ATP10A: variants seen among roughly 807,000 people sequenced by gnomAD.
ATP10A encodes phospholipid-transporting ATPase VA.
A neutral mutation model predicts 147.8 loss-of-function variants in ATP10A; 111 were observed. That is an observed-to-expected ratio of 0.75 (90% confidence interval 0.64 to 0.88). The LOEUF (loss-of-function observed/expected upper bound fraction) is 0.88. Among genes scored for constraint, ATP10A ranks in the 40% least tolerant of loss-of-function variants. The pLI is 0.00. For synonymous variants in ATP10A, 875 were observed against 841.6 expected, an observed-to-expected ratio of 1.04 and a Z score of -0.69; for missense variants, 1,927 against 1,959.0, an observed-to-expected ratio of 0.98 and a Z score of 0.31.
intron 3 of ATP10A, among the ~76,000 whole-genome samples, chr15:25,734,056 G>A (rs1031759111): frequency 2.6e-5 from 4 of 152,214 alleles, no homozygotes; most frequent in African/African-American, 7.2e-5. Context: ...GGGAGGCAGT[G>A]AGGTGCTGGG....
rs779720552 is a variant in ATP10A, at chr15:25,683,304, C to T, written c.3474G>A (p.Lys1158=). 6.2e-7 allele frequency: 1 copy of T among 1,613,882 alleles called. No individual in the cohort carries two copies. Among genetic ancestry groups the T allele is most frequent in the African/African-American group, 1.3e-5 (1 of 74,910 alleles). ...GCTTTACCTCCATGTTCTGGCCACT[C>T]TTGTAGAGCTGCGGGTTGGTCAGCA... is the stretch of plus-strand genomic sequence containing the variant. ...NVLLTNPQLY[K]SGQNMEEYRP... is the part of the protein sequence containing the mutation. Residue 1158 remains lysine (K), a synonymous_variant, in exon 17 of 21, where the codon AAG becomes AAA. Coordinates refer to ENST00000555815, the MANE Select transcript of ATP10A (RefSeq NM_024490.4).
rs1899238808 is a variant in ATP10A, at chr15:25,679,434, A to G, written c.4407T>C (p.Arg1469=). The change falls in exon 21 of 21, where the codon CGT becomes CGC. Residue 1469 remains arginine (R), a synonymous_variant. Coordinates refer to ENST00000555815, the MANE Select transcript of ATP10A (RefSeq NM_024490.4). ...CTGAGTGGGGCTGGACAGGAAGTCC[A>G]CGTCCCGCTTGTCCATCTGCAAGCT... ...TEQLADGQAG[R]GLPVQPHSGR... 1.2e-6 allele frequency: 2 copies of G among 1,613,966 alleles called. No individual in the cohort carries two copies. The highest frequency in any genetic ancestry group is 1.7e-6 in the Non-Finnish European group (2 of 1,179,898).
chr15:25,766,383 C>T (rs1203715147), intron 2 of ATP10A, among the ~76,000 whole-genome samples: 1 of 152,174 alleles, frequency 6.6e-6, no homozygotes, highest in African/African-American at 2.4e-5. Context: ...CCAAAGCTCA[C>T]TCTCCATGCC....
intron 1 of ATP10A, among the ~76,000 whole-genome samples, chr15:25,849,647 G>C (rs987034831): frequency 6.6e-6 from 1 of 152,168 alleles, no homozygotes; most frequent in East Asian, 1.9e-4. Context: ...TGATCAAGGA[G>C]GAGCACGGCG....
chr15:25,710,920 C>T (rs1901371935), intron 10 of ATP10A: 3 of 152,202 alleles, frequency 2.0e-5, no homozygotes, highest in Non-Finnish European at 4.4e-5. Flanking sequence ...CGAGTGGACG[C>T]TGGACATCAA....
intron 1 of ATP10A, among the ~76,000 whole-genome samples, chr15:25,811,490 T>C (rs1270091878): frequency 6.6e-6 from 1 of 152,124 alleles, no homozygotes; most frequent in Non-Finnish European, 1.5e-5. Context: ...GACTTCCCCA[T>C]GTGGAAACTG....
intron 2 of ATP10A, among the ~76,000 whole-genome samples, chr15:25,768,540 C>CTT (rs59228132): frequency 7.6e-6 from 1 of 132,218 alleles, no homozygotes; most frequent in Non-Finnish European, 1.6e-5. Context: ...CTCTCTCTCT[C>CTT]TTTTTTTTTT....
chr15:25,797,417 T>C (rs1890723032), intron 1 of ATP10A, among the ~76,000 whole-genome samples: 1 of 152,138 alleles, frequency 6.6e-6, no homozygotes, highest in Non-Finnish European at 1.5e-5. Context: ...GCCAGTGCCA[T>C]GGTGGCTGCC....
At chr15:25,853,105 C>T (rs1893363630) in intron 1 of ATP10A, among the ~76,000 whole-genome samples, 1 of 152,166 alleles carries the variant, frequency 6.6e-6, no homozygotes, top group South Asian at 2.1e-4. Context: ...AATACAGTAT[C>T]CCCAGTGGAA....
intron 1 of ATP10A, among the ~76,000 whole-genome samples, chr15:25,856,364 G>T (rs775541635): frequency 3.3e-5 from 5 of 152,120 alleles, no homozygotes; most frequent in Non-Finnish European, 5.9e-5. Context: ...TGTCATTATT[G>T]TAAGTTTCCT....
At position 25,679,940 on chromosome 15, in the gene ATP10A, G is replaced by A. The variant is rs766855450; in HGVS notation, c.3901C>T (p.Pro1301Ser). 1.2e-6 allele frequency: 2 copies of A among 1,605,418 alleles called. No individual in the cohort carries two copies. The highest frequency in any genetic ancestry group is 1.3e-5 in the African/African-American group (1 of 74,748). ...TGACGTGCCAGCTGAAGTTGTGTGG[G>A]GAAAACCCTCCCCTGGAGGGATCTG... is the stretch of plus-strand genomic sequence containing the variant. ...FFRSLQGRVFPTQLQLARQLT... is the reference protein window; with the variant it reads ...FFRSLQGRVFSTQLQLARQLT... The change falls in exon 21 of 21, where the codon CCC (proline) becomes TCC (serine). Residue 1301 changes from proline (P) to serine (S), a missense_variant. By Grantham distance (74) the Pro-to-Ser change is moderately conservative. Coordinates refer to ENST00000555815, the MANE Select transcript of ATP10A (RefSeq NM_024490.4).
intron 1 of ATP10A, 36 bp downstream of exon 1, chr15:25,862,612 C>T (rs1893812535): frequency 2.0e-6 from 3 of 1,510,366 alleles, no homozygotes; most frequent in Non-Finnish European, 2.7e-6. Flanking sequence ...CTGCCCTGCG[C>T]CACCGCGCGC....
chr15:25,861,437 C>G (rs1204125123), intron 1 of ATP10A, among the ~76,000 whole-genome samples: 1 of 152,106 alleles, frequency 6.6e-6, no homozygotes, highest in East Asian at 1.9e-4. Flanking sequence ...ACTCTGTTTA[C>G]AAAAATATGG....
intron 1 of ATP10A, among the ~76,000 whole-genome samples, chr15:25,831,262 G>A (rs538649383): frequency 2.6e-5 from 4 of 152,172 alleles, no homozygotes; most frequent in Non-Finnish European, 5.9e-5. Context: ...TTCTCTCCCC[G>A]CTGCAATTAC....
At chr15:25,856,269 C>G (rs1353682455) in intron 1 of ATP10A, among the ~76,000 whole-genome samples, 3 of 152,122 alleles carry the variant, frequency 2.0e-5, no homozygotes, top group Non-Finnish European at 4.4e-5. Context: ...GTGAGTCTCA[C>G]GAGATCTGAT....
In ATP10A at chr15:25,718,366, G is replaced by C. The variant is rs1901968674; in HGVS notation, c.1397C>G (p.Ser466Trp). 1 of 1,607,410 alleles carries C rather than the reference G, an allele frequency of 6.2e-7. No individual in the cohort carries two copies. The highest frequency in any genetic ancestry group is 8.5e-7 in the Non-Finnish European group (1 of 1,178,660). Residue 466 changes from serine (S) to tryptophan (W), a missense_variant, in exon 8 of 21, where the codon TCG becomes TGG. Ser to Trp is a radical substitution (Grantham distance 177, BLOSUM62 -3). Transcript: ENST00000555815. ...QRLARYQEAD[S>W]EEEEVVPRGG... ...TCTGGGCACCACCTCCTCCTCCTCC[G>C]AGTCTGCCTCTTGGTACCTGGCCAG... is the stretch of plus-strand genomic sequence containing the variant.
chr15:25,749,560 A>G (rs1000449352), intron 2 of ATP10A, among the ~76,000 whole-genome samples: 3 of 152,202 alleles, frequency 2.0e-5, no homozygotes, highest in African/African-American at 7.2e-5. Context: ...CCTGGGCACA[A>G]CTCAAGAATA....
chr15:25,711,307 C>T (rs1055466543), intron 10 of ATP10A, among the ~76,000 whole-genome samples: 23 of 152,090 alleles, frequency 1.5e-4, no homozygotes, highest in African/African-American at 5.6e-4. Context: ...AGTTTGTCAC[C>T]TACACACAGG....
At chr15:25,761,537 C>A (rs1218256092) in intron 2 of ATP10A, among the ~76,000 whole-genome samples, 2 of 152,216 alleles carry the variant, frequency 1.3e-5, no homozygotes, top group Non-Finnish European at 2.9e-5. Context: ...GGGGCTGTAC[C>A]CAGCAAAGCC....
Sources: gnomAD v4.1 joint callset for allele counts (sites outside exome capture counted in the v4.1 genomes callset) on GRCh38, gnomAD v4.1.1 for gene constraint, MANE v1.5 for transcripts, NCBI Gene and HGNC (gene_info 2026-07-23, HGNC 2026-07-21) for gene names.